Variants in GZMA observed in about 807,000 individuals in gnomAD.
The protein encoded by GZMA is granzyme A.
Under a neutral mutation model 21.1 loss-of-function variants are expected in GZMA, and 17 were observed. The observed-to-expected ratio is 0.81, with a 90% CI of 0.55 to 1.21. GZMA has a LOEUF of 1.21. Ranked by LOEUF, GZMA falls within the 50% of genes most tolerant of loss-of-function variation. GZMA has a pLI of 0.00. For missense variants in GZMA, 306 were observed against 315.9 expected (o/e 0.97, Z 0.24); for synonymous variants, 90 against 107.8 (o/e 0.83, Z 1.03).
Position 55,108,353 on chromosome 5 carries a change from G to A in GZMA, c.586G>A (p.Val196Ile). The change falls in exon 4 of 5, where the codon GTT becomes ATT. Residue 196 changes from valine to isoleucine, a missense_variant. Coordinates refer to ENST00000274306, the MANE Select transcript of GZMA (RefSeq NM_006144.4). ...TAACCCTGTGATTGGAATGAATATG[G>A]TTTGTGCTGGAAGCCTCCGAGGTGG... ...NFNPVIGMNM[V>I]CAGSLRGGRD... The A allele has an allele frequency of 6.2e-7, 1 of 1,613,706 alleles. No homozygotes were observed. The highest frequency in any genetic ancestry group is 8.5e-7 in the Non-Finnish European group (1 of 1,179,664).
intron 3 of GZMA, 60 bp downstream of exon 3, chr5:55,107,995 C>A: frequency 2.7e-6 from 4 of 1,500,678 alleles, no homozygotes; most frequent in Non-Finnish European, 3.7e-6. Flanking sequence ...TGGCCGCCGA[C>A]GTGAAAACCT....
chr5:55,110,135 A>C lies in GZMA; in HGVS notation c.742A>C (p.Lys248Gln). The change falls in exon 5 of 5, where the codon AAG (lysine) becomes CAG (glutamine). Residue 248 changes from lysine to glutamine, a missense_variant. Coordinates refer to ENST00000274306, the MANE Select transcript of GZMA (RefSeq NM_006144.4). ...RGPGVYILLS[K>Q]KHLNWIIMTI... ...GCCTGGTGTCTATATTCTTCTCTCA[A>C]AGAAACACCTCAACTGGATAATTAT... 1 of 1,611,304 alleles carries C rather than the reference A, an allele frequency of 6.2e-7. No individual in the cohort carries two copies. The highest frequency in any genetic ancestry group is 1.1e-5 in the South Asian group (1 of 90,754).
chr5:55,105,638 A>G lies in GZMA; in HGVS notation c.215+20A>G. The G allele has an allele frequency of 6.2e-7, 1 of 1,606,880 alleles. No homozygotes were observed. The highest frequency in any genetic ancestry group is 8.5e-7 in the Non-Finnish European group (1 of 1,174,422). On this transcript the variant is annotated intron_variant, in intron 2 of 4. Coordinates refer to ENST00000274306, the MANE Select transcript of GZMA (RefSeq NM_006144.4). ...TAACTTGTAAGTGCCTGGGTTTTTA[A>G]AAAAAAGTTTGTAAAGATACTCTAA...
At position 55,110,152 on chromosome 5, in the gene GZMA, G is replaced by C. The variant is rs1296875291; in HGVS notation, c.759G>C (p.Trp253Cys). ...TTCTCTCAAAGAAACACCTCAACTG[G>C]ATAATTATGACTATCAAGGGAGCAG... Reference protein sequence around the residue: ...YILLSKKHLNWIIMTIKGAV With the variant: ...YILLSKKHLNCIIMTIKGAV The change falls in exon 5 of 5, where the codon TGG (tryptophan) becomes TGC (cysteine). Residue 253 changes from tryptophan (W) to cysteine (C), a missense_variant. By Grantham distance (215) the Trp-to-Cys change is radical (BLOSUM62 -2). Coordinates refer to ENST00000274306, the MANE Select transcript of GZMA (RefSeq NM_006144.4). 2 of 1,606,106 alleles carry C rather than the reference G, an allele frequency of 1.2e-6. No homozygotes were observed. Among genetic ancestry groups the C allele is most frequent in the African/African-American group, 2.7e-5 (2 of 74,284 alleles).
chr5:55,102,765 C>T lies in GZMA; in HGVS notation c.70+13C>T. 1 of 1,545,772 alleles carries T rather than the reference C, an allele frequency of 6.5e-7. No homozygotes were observed. Among genetic ancestry groups the T allele is most frequent in the Non-Finnish European group, 8.9e-7 (1 of 1,117,832 alleles). On this transcript the variant is annotated intron_variant, in intron 1 of 4. Transcript: ENST00000274306. ...CTAATTCCTGAAGGTAAGACTGATT[C>T]TTCTCATTTCCATTATGACCATGAA... is the stretch of plus-strand genomic sequence containing the variant.
chr5:55,106,906 A>G (rs1742426741), intron 2 of GZMA, among the ~76,000 whole-genome samples: 1 of 152,234 alleles, frequency 6.6e-6, no homozygotes, highest in Non-Finnish European at 1.5e-5. Flanking sequence ...TCAAGTCCTC[A>G]GTAGCCACAT....
In GZMA at chr5:55,110,136, A is replaced by C. The variant is rs767960572; in HGVS notation, c.743A>C (p.Lys248Thr). ...CCTGGTGTCTATATTCTTCTCTCAA[A>C]GAAACACCTCAACTGGATAATTATG... Reference protein sequence around the residue: ...RGPGVYILLSKKHLNWIIMTI... With the variant: ...RGPGVYILLSTKHLNWIIMTI... The change falls in exon 5 of 5, where the codon AAG becomes ACG. Residue 248 changes from lysine (K) to threonine (T), a missense_variant. Lys to Thr is a moderately conservative substitution (Grantham distance 78). Coordinates refer to ENST00000274306, the MANE Select transcript of GZMA (RefSeq NM_006144.4). 3.2e-5 allele frequency: 51 copies of C among 1,611,316 alleles called. No homozygotes were observed. Among genetic ancestry groups the C allele is most frequent in the Non-Finnish European group, 4.2e-5 (50 of 1,178,494 alleles).
rs142272396 is a variant in GZMA at position 55,108,248 on chromosome 5, T to C, written c.481T>C (p.Ser161Pro). ...GTGGGGCAGGACTCACAATAGTGCA[T>C]CTTGGTCCGATACTCTGAGAGAAGT... ...AGWGRTHNSA[S>P]WSDTLREVNI... is the part of the protein sequence containing the mutation. Residue 161 changes from serine (S) to proline (P), a missense_variant, in exon 4 of 5, where the codon TCT becomes CCT. Coordinates refer to ENST00000274306, the MANE Select transcript of GZMA (RefSeq NM_006144.4). 3.7e-6 allele frequency: 6 copies of C among 1,613,820 alleles called. No individual in the cohort carries two copies. Among genetic ancestry groups the C allele is most frequent in the Non-Finnish European group, 5.1e-6 (6 of 1,179,934 alleles).
intron 4 of GZMA, among the ~76,000 whole-genome samples, chr5:55,109,347 CG>C (rs1561281212): frequency 6.6e-6 from 1 of 152,176 alleles, no homozygotes; most frequent in Admixed American, 6.5e-5. Context: ...CCTAAGGCCA[CG>C]GCAGCATCCC....
intron 1 of GZMA, among the ~76,000 whole-genome samples, chr5:55,103,283 C>T (rs1294948496): frequency 6.6e-6 from 1 of 152,138 alleles, no homozygotes; most frequent in Non-Finnish European, 1.5e-5. Context: ...ACAATTAAGA[C>T]AAATCTGACC....
chr5:55,106,142 T>A (rs1262257828), intron 2 of GZMA, among the ~76,000 whole-genome samples: 7 of 896 alleles, frequency 7.8e-3, no homozygotes, highest in African/African-American at 0.012. Context: ...ATAAATAAAA[T>A]AAAATAAAAT....
At position 55,110,219 on chromosome 5, in the gene GZMA, C is replaced by T; in HGVS notation, c.*37C>T. 1 of 1,463,160 alleles carries T rather than the reference C, an allele frequency of 6.8e-7. No homozygotes were observed. The highest frequency in any genetic ancestry group is 9.3e-7 in the Non-Finnish European group (1 of 1,074,418). 90.6% of individuals were successfully genotyped at this position (1,463,160 alleles called of 1,614,324 possible). On this transcript the variant is annotated 3_prime_UTR_variant, in exon 5 of 5. Transcript: ENST00000274306. The stretch of plus-strand genomic sequence containing the variant: ...CTTTCATTTACTGTGGCTTCTTAAT[C>T]TTTTCACAAATAAAATCAATTTGCA...
At chr5:55,105,418 G>T in intron 1 of GZMA, 56 bp from the exon 2 acceptor site, 1 of 1,506,290 alleles carries the variant, frequency 6.6e-7, no homozygotes, top group South Asian at 1.2e-5. Context: ...ACATGACTTT[G>T]TGTAGAGCTC....
chr5:55,107,308 G>A (rs796552848), intron 2 of GZMA, among the ~76,000 whole-genome samples: 13 of 152,228 alleles, frequency 8.5e-5, no homozygotes, highest in African/African-American at 3.1e-4. Flanking sequence ...AGCAAATAGG[G>A]TCCTCCATGG....
intron 1 of GZMA, among the ~76,000 whole-genome samples, chr5:55,103,011 A>C (rs563557251): frequency 1.3e-5 from 2 of 151,108 alleles, no homozygotes; most frequent in East Asian, 3.9e-4. Flanking sequence ...TTTTTTTTTA[A>C]ATAGCATTCT....
Position 55,108,285 on chromosome 5 carries a change from T to C in GZMA, c.518T>C (p.Ile173Thr), listed in dbSNP as rs754031523. Residue 173 changes from isoleucine to threonine, a missense_variant, in exon 4 of 5, where the codon ATC becomes ACC. By Grantham distance (89) the Ile-to-Thr change is moderately conservative. Coordinates refer to ENST00000274306, the MANE Select transcript of GZMA (RefSeq NM_006144.4). ...ACTCTGAGAGAAGTCAATATCACCA[T>C]CATAGACAGAAAAGTCTGCAATGAT... is the stretch of plus-strand genomic sequence containing the variant. ...SDTLREVNIT[I>T]IDRKVCNDRN... is the part of the protein sequence containing the mutation. The C allele has an allele frequency of 1.9e-6, 3 of 1,613,666 alleles. No homozygotes were observed. The highest frequency in any genetic ancestry group is 1.3e-5 in the African/African-American group (1 of 75,024).
In GZMA at chr5:55,107,828, TC is replaced by T. The variant is rs760176125; in HGVS notation, c.251del (p.Ser84Ter). ...GTCCCAGGTCATTCTTGGGGCTCAC[TC>T]AATAACCAGGGAAGAGCCAACAAAA... ...KRSQVILGAH[S>X]ITREEPTKQI... On this transcript the variant is annotated frameshift_variant, in exon 3 of 5. Coordinates refer to ENST00000274306, the MANE Select transcript of GZMA (RefSeq NM_006144.4). LOFTEE classifies it high-confidence loss of function. 4.8e-5 allele frequency: 78 copies of T among 1,611,976 alleles called. No individual in the cohort carries two copies. The highest frequency in any genetic ancestry group is 1.6e-4 in the Middle Eastern group (1 of 6,074).
Position 55,107,805 on chromosome 5 carries a change from C to G in GZMA, c.227C>G (p.Ser76Cys). Residue 76 changes from serine (S) to cysteine (C), a missense_variant, in exon 3 of 5, where the codon TCC becomes TGC. Physicochemically the swap from Ser to Cys is moderately radical, Grantham distance 112. Coordinates refer to ENST00000274306, the MANE Select transcript of GZMA (RefSeq NM_006144.4). ...GTGTCTGTTCTCAGGAACAAAAGGT[C>G]CCAGGTCATTCTTGGGGCTCACTCA... Reference protein sequence around the residue: ...TAAHCNLNKRSQVILGAHSIT... With the variant: ...TAAHCNLNKRCQVILGAHSIT... 1 of 1,612,826 alleles carries G rather than the reference C, an allele frequency of 6.2e-7. No homozygotes were observed. The highest frequency in any genetic ancestry group is 2.2e-5 in the East Asian group (1 of 44,822).
intron 1 of GZMA, among the ~76,000 whole-genome samples, chr5:55,104,501 C>G (rs779664963): frequency 2.0e-5 from 3 of 152,196 alleles, no homozygotes; most frequent in Non-Finnish European, 4.4e-5. Flanking sequence ...TCAAATCTTA[C>G]GAAAGGCTTC....
Sources: allele counts gnomAD v4.1 joint callset (sites outside exome capture counted in the v4.1 genomes callset), GRCh38; gene constraint gnomAD v4.1.1; transcripts MANE v1.5; gene names NCBI Gene and HGNC (gene_info 2026-07-23, HGNC 2026-07-21).